Variants in ZNF704 observed in about 807,000 individuals in gnomAD.
ZNF704 encodes the protein zinc finger protein 704.
A neutral mutation model predicts 44.7 loss-of-function variants in ZNF704; 10 were observed. The ratio of observed to expected loss-of-function variants is 0.22; its 90% CI spans 0.14 to 0.38. ZNF704 has a LOEUF of 0.38. Ranked by LOEUF, ZNF704 falls within the 10% of genes least tolerant of loss-of-function variation. ZNF704 has a pLI of 1.00. For missense variants in ZNF704, 390 were observed against 545.5 expected (o/e 0.71, Z 2.84); for synonymous variants, 211 against 207.6 (o/e 1.02, Z -0.14).
rs544012686 is a variant in ZNF704, at chr8:80,805,172, A to G, written c.221+16202T>C. 2.6e-5 allele frequency among the ~76,000 whole-genome samples: 4 copies of G among 152,300 alleles called. No homozygotes were observed. In the South Asian group the frequency reaches 8.3e-4, roughly 32 times the overall value. On this transcript the variant is annotated intron_variant, in intron 2 of 8. Transcript: ENST00000327835. ...TTAGTTGACTGTTGTGCAAGTTTCA[A>G]GCTTGGGGACCCATCTCGTCACTTA...
At chr8:80,650,930 C>A (rs932495814) in intron 7 of ZNF704, among the ~76,000 whole-genome samples, 1 of 152,206 alleles carries the variant, frequency 6.6e-6, no homozygotes, top group Non-Finnish European at 1.5e-5. Context: ...GGTTGGGTTA[C>A]CCACAAAGGG....
intron 2 of ZNF704, among the ~76,000 whole-genome samples, chr8:80,730,039 C>A (rs1393818322): frequency 6.6e-6 from 1 of 152,076 alleles, no homozygotes; most frequent in Admixed American, 6.6e-5. Flanking sequence ...ATGAACAACA[C>A]CAACACCTAT....
intron 2 of ZNF704, among the ~76,000 whole-genome samples, chr8:80,801,674 G>T (rs1358571555): frequency 2.6e-5 from 4 of 151,940 alleles, no homozygotes; most frequent in Admixed American, 6.6e-5. Context: ...CAGTGTTAAG[G>T]GGGAAATTTA....
intron 2 of ZNF704, among the ~76,000 whole-genome samples, chr8:80,746,491 C>T (rs906783596): frequency 6.6e-6 from 1 of 152,162 alleles, no homozygotes; most frequent in South Asian, 2.1e-4. Context: ...AGGCTTTACT[C>T]TTATGGGGTT....
intron 2 of ZNF704, among the ~76,000 whole-genome samples, chr8:80,779,853 CCTTT>C (rs1350254611): frequency 2.1e-4 from 32 of 150,868 alleles, no homozygotes; most frequent in Non-Finnish European, 3.2e-4. Context: ...TTCTTAATTT[CCTTT>C]ATTTTGTTAA....
chr8:80,799,716 T>G (rs1313704660), intron 2 of ZNF704, among the ~76,000 whole-genome samples: 1 of 152,070 alleles, frequency 6.6e-6, no homozygotes, highest in African/African-American at 2.4e-5. Flanking sequence ...AAAGAATCAA[T>G]GCAAAAACGC....
chr8:80,698,818 T>TA (rs1383715514), intron 2 of ZNF704, among the ~76,000 whole-genome samples: 1 of 152,188 alleles, frequency 6.6e-6, no homozygotes, highest in African/African-American at 2.4e-5. Flanking sequence ...AGCGCTCAGC[T>TA]ATGGCCTGTG....
At chr8:80,692,569 T>C (rs373526170) in intron 3 of ZNF704, among the ~76,000 whole-genome samples, 2 of 152,346 alleles carry the variant, frequency 1.3e-5, no homozygotes, top group South Asian at 4.1e-4. Flanking sequence ...ATGACCTAAA[T>C]AATTCTATTT....
At chr8:80,848,776 A>C (rs531344095) in intron 1 of ZNF704, among the ~76,000 whole-genome samples, 4 of 152,138 alleles carry the variant, frequency 2.6e-5, no homozygotes, top group Admixed American at 6.6e-5. Flanking sequence ...CTGTCTCAAA[A>C]AAAAAGTTTT....
At chr8:80,748,824 T>C (rs1384022021) in intron 2 of ZNF704, among the ~76,000 whole-genome samples, 2 of 152,206 alleles carry the variant, frequency 1.3e-5, no homozygotes, top group Non-Finnish European at 1.5e-5. Flanking sequence ...TTCTGAGACA[T>C]GTTCTCCAGC....
In ZNF704 at chr8:80,680,523, A is replaced by G. The variant is rs1585947262; in HGVS notation, c.558+6703T>C. ...CAGGTGAGTTGGCTGCATTATACAAACTTCCTCTGCCTGTCTCATGAAAAC... is the reference window on the plus strand; with the variant it reads ...CAGGTGAGTTGGCTGCATTATACAAGCTTCCTCTGCCTGTCTCATGAAAAC... On this transcript the variant is annotated intron_variant, in intron 4 of 8. Transcript: ENST00000327835. 2.0e-5 allele frequency among the ~76,000 whole-genome samples: 3 copies of G among 151,950 alleles called. No individual in the cohort carries two copies. In the South Asian group the frequency reaches 6.3e-4, roughly 32 times the overall value.
At chr8:80,725,686 T>C (rs1806466913) in intron 2 of ZNF704, among the ~76,000 whole-genome samples, 1 of 152,092 alleles carries the variant, frequency 6.6e-6, no homozygotes. Context: ...ACAGAGACAA[T>C]ATCCTTCATG....
intron 2 of ZNF704, among the ~76,000 whole-genome samples, chr8:80,801,605 C>T (rs1407598046): frequency 6.6e-6 from 1 of 152,132 alleles, no homozygotes; most frequent in African/African-American, 2.4e-5. Flanking sequence ...TCAAGAAGTT[C>T]TTTGAAACTA....
chr8:80,841,178 C>A (rs980347905), intron 1 of ZNF704, among the ~76,000 whole-genome samples: 1 of 152,242 alleles, frequency 6.6e-6, no homozygotes, highest in Non-Finnish European at 1.5e-5. Context: ...TGCCAAATCT[C>A]TTCTGCACAT....
At chr8:80,813,917 A>G (rs555042053) in intron 2 of ZNF704, among the ~76,000 whole-genome samples, 17 of 152,306 alleles carry the variant, frequency 1.1e-4, no homozygotes, top group South Asian at 4.1e-4. Context: ...GATAACATCA[A>G]TGTTACTAGG....
intron 2 of ZNF704, among the ~76,000 whole-genome samples, chr8:80,708,229 T>A (rs969925175): frequency 6.6e-6 from 1 of 152,154 alleles, no homozygotes; most frequent in South Asian, 2.1e-4. Flanking sequence ...GGCTGGACAA[T>A]TGCACACCTA....
At chr8:80,774,005 C>T (rs2129671958) in intron 2 of ZNF704, among the ~76,000 whole-genome samples, 1 of 149,984 alleles carries the variant, frequency 6.7e-6, no homozygotes, top group African/African-American at 2.4e-5. Flanking sequence ...TAAAACTGGA[C>T]ATTTTTGTAT....
intron 5 of ZNF704, among the ~76,000 whole-genome samples, chr8:80,668,117 C>T (rs1818223713): frequency 6.6e-6 from 1 of 152,142 alleles, no homozygotes; most frequent in Admixed American, 6.5e-5. Flanking sequence ...TAAAATAACT[C>T]CCTATAATGT....
At chr8:80,820,796 C>T (rs983001079) in intron 2 of ZNF704, among the ~76,000 whole-genome samples, 4 of 152,162 alleles carry the variant, frequency 2.6e-5, no homozygotes, top group African/African-American at 9.7e-5. Context: ...CAGCCAGCTA[C>T]TCTAGAGCCT....
Sources: gnomAD v4.1 joint callset for allele counts (sites outside exome capture counted in the v4.1 genomes callset) on GRCh38, gnomAD v4.1.1 for gene constraint, MANE v1.5 for transcripts, NCBI Gene and HGNC (gene_info 2026-07-23, HGNC 2026-07-21) for gene names.